CTSS: variants seen among roughly 807,000 people sequenced by gnomAD.
CTSS encodes the protein cathepsin S.
CTSS carries 15 observed loss-of-function variants against 39.9 expected under a neutral mutation model. That is an observed-to-expected ratio of 0.38 (90% confidence interval 0.25 to 0.58). The LOEUF is 0.58. Ranked by LOEUF, CTSS falls within the 20% of genes least tolerant of loss-of-function variation. The probability of loss-of-function intolerance (pLI) is 0.70; values close to 1 mark genes in which losing one functional copy is unlikely to be tolerated. For missense variants in CTSS, 250 were observed against 398.2 expected (o/e 0.63, Z 3.17); for synonymous variants, 126 against 138.2 (o/e 0.91, Z 0.62).
intron 6 of CTSS, among the ~76,000 whole-genome samples, chr1:150,749,524 G>T (rs145017122): frequency 6.6e-6 from 1 of 151,974 alleles, no homozygotes; most frequent in South Asian, 2.1e-4. Flanking sequence ...GCCAGCAGAT[G>T]TTGGTTCATG....
At chr1:150,754,082 C>T (rs1174680801) in intron 4 of CTSS, among the ~76,000 whole-genome samples, 1 of 150,722 alleles carries the variant, frequency 6.6e-6, no homozygotes, top group Non-Finnish European at 1.5e-5. Flanking sequence ...ACTGAGTATT[C>T]GCATATAACC....
chr1:150,763,868 C>T (rs1653311884), intron 2 of CTSS, among the ~76,000 whole-genome samples: 1 of 152,144 alleles, frequency 6.6e-6, no homozygotes, highest in South Asian at 2.1e-4. Context: ...CAAATGTGGC[C>T]CTTCCTCAGG....
rs899830507 is a variant in CTSS, at chr1:150,731,401, A to G, written c.*1645T>C. 4 of 152,188 alleles carry G rather than the reference A, an allele frequency of 2.6e-5. No individual in the cohort carries two copies. Among genetic ancestry groups the G allele is most frequent in the African/African-American group, 9.6e-5 (4 of 41,452 alleles). The allele number at this position is 152,188 out of a possible 1,614,324, so 9.4% of individuals were successfully genotyped here. A position where few individuals can be genotyped will look rare whatever the true frequency, so the allele number is the denominator to read the frequency against. ...AGACTCCGTCTCAAAAAACAAAACA[A>G]AACTGAAAAGTAATCAACTAAATAC... On this transcript the variant is annotated 3_prime_UTR_variant, in exon 8 of 8. Coordinates refer to ENST00000368985, the MANE Select transcript of CTSS (RefSeq NM_004079.5).
At chr1:150,764,589 A>G in intron 2 of CTSS, 49 bp downstream of exon 2, 1 of 1,609,882 alleles carries the variant, frequency 6.2e-7, no homozygotes, top group Non-Finnish European at 8.5e-7. Flanking sequence ...AAGAGGTAGA[A>G]AACAGTACTC....
In CTSS at chr1:150,732,885, A is replaced by G. The variant is rs752499667; in HGVS notation, c.*161T>C. ...TTGGCCTCCCAAGTACTGGGATTAC[A>G]GGCGTGAGCCACCGTGCCCGGCCTC... On this transcript the variant is annotated 3_prime_UTR_variant, in exon 8 of 8. Coordinates refer to ENST00000368985, the MANE Select transcript of CTSS (RefSeq NM_004079.5). 7.8e-6 allele frequency: 4 copies of G among 512,720 alleles called. No individual in the cohort carries two copies. Among genetic ancestry groups the G allele is most frequent in the Non-Finnish European group, 1.4e-5 (4 of 294,348 alleles). 31.8% of individuals were successfully genotyped at this position (512,720 alleles called of 1,614,324 possible). A position where few individuals can be genotyped will look rare whatever the true frequency, so the allele number is the denominator to read the frequency against.
rs1054021205 is a variant in CTSS at position 150,730,227 on chromosome 1, A to G, written c.*2819T>C. On this transcript the variant is annotated 3_prime_UTR_variant, in exon 8 of 8. Transcript: ENST00000368985. ...TGCACATTTATTTAATATAAGTTTT[A>G]CACGACACGAGGGGCTCCATAAGGA... 2.0e-5 allele frequency: 3 copies of G among 152,290 alleles called. No individual in the cohort carries two copies. Among genetic ancestry groups the G allele is most frequent in the Non-Finnish European group, 4.4e-5 (3 of 68,024 alleles). The allele number at this position is 152,290 out of a possible 1,614,324, so 9.4% of individuals were successfully genotyped here. A position where few individuals can be genotyped will look rare whatever the true frequency, so the allele number is the denominator to read the frequency against.
intron 7 of CTSS, among the ~76,000 whole-genome samples, chr1:150,740,965 A>G (rs1252362076): frequency 6.6e-6 from 1 of 151,832 alleles, no homozygotes; most frequent in East Asian, 1.9e-4. Context: ...TGGGATTACA[A>G]GCATGAGCCA....
At position 150,747,769 on chromosome 1, in the gene CTSS, T is replaced by G. The variant is rs1652918582; in HGVS notation, c.896+8A>C. 1 of 1,568,164 alleles carries G rather than the reference T, an allele frequency of 6.4e-7. No homozygotes were observed. Among genetic ancestry groups the G allele is most frequent in the Non-Finnish European group, 8.8e-7 (1 of 1,139,394 alleles). Reference sequence around the variant, plus strand: ...ATTCCAATTAAATATAAAGTGTAAATATATTACCTGTTTTTCACAAGCCAG... The same window carrying G: ...ATTCCAATTAAATATAAAGTGTAAAGATATTACCTGTTTTTCACAAGCCAG... On this transcript the variant is annotated splice_region_variant and intron_variant, in intron 7 of 7. Transcript: ENST00000368985.
intron 2 of CTSS, among the ~76,000 whole-genome samples, chr1:150,762,756 C>T (rs587740568): frequency 2.0e-5 from 3 of 152,150 alleles, no homozygotes; most frequent in Non-Finnish European, 4.4e-5. Context: ...TGGCTATTAT[C>T]AAAACGATGA....
chr1:150,743,432 A>C (rs1652809654), intron 7 of CTSS, among the ~76,000 whole-genome samples: 1 of 149,710 alleles, frequency 6.7e-6, no homozygotes, highest in South Asian at 2.1e-4. Flanking sequence ...TCGTTTAAAA[A>C]TACATCTAGG....
At chr1:150,749,585 C>T (rs1345215154) in intron 6 of CTSS, among the ~76,000 whole-genome samples, 1 of 145,304 alleles carries the variant, frequency 6.9e-6, no homozygotes, top group Non-Finnish European at 1.5e-5. Context: ...CCGCCCCGCC[C>T]CGCCCCGCCC....
chr1:150,754,036 C>T (rs1557812979), intron 4 of CTSS, among the ~76,000 whole-genome samples: 1 of 151,926 alleles, frequency 6.6e-6, no homozygotes, highest in Admixed American at 6.6e-5. Context: ...TCTGAGCATA[C>T]CAAAGTCAAG....
At position 150,732,853 on chromosome 1, in the gene CTSS, G is replaced by C. The variant is rs1391143804; in HGVS notation, c.*193C>G. 3 of 394,834 alleles carry C rather than the reference G, an allele frequency of 7.6e-6. No individual in the cohort carries two copies. The highest frequency in any genetic ancestry group is 4.6e-6 in the Non-Finnish European group (1 of 219,142). The allele number at this position is 394,834 out of a possible 1,614,324, so 24.5% of individuals were successfully genotyped here. On this transcript the variant is annotated 3_prime_UTR_variant, in exon 8 of 8. Transcript: ENST00000368985. ...TTAACTCCTGGCCTCAAGTTGATAT[G>C]CCTGCCTTGGCCTCCCAAGTACTGG...
intron 6 of CTSS, 43 bp from the exon 7 acceptor site, chr1:150,747,922 G>T: frequency 2.5e-6 from 3 of 1,219,274 alleles, no homozygotes; most frequent in Non-Finnish European, 2.4e-6. Context: ...GAATACTATA[G>T]GATAATAAAG....
At chr1:150,750,689 T>C (rs759034070) in intron 5 of CTSS, among the ~76,000 whole-genome samples, 1 of 152,154 alleles carries the variant, frequency 6.6e-6, no homozygotes, top group Non-Finnish European at 1.5e-5. Flanking sequence ...CAGGCTGGAG[T>C]GCAGTAGCAT....
At chr1:150,742,772 G>T (rs1420160534) in intron 7 of CTSS, among the ~76,000 whole-genome samples, 2 of 152,116 alleles carry the variant, frequency 1.3e-5, no homozygotes, top group Non-Finnish European at 2.9e-5. Context: ...AGGCCAAGAT[G>T]ATGCTTAGGC....
intron 5 of CTSS, among the ~76,000 whole-genome samples, chr1:150,751,372 C>T (rs189742530): frequency 2.0e-5 from 3 of 152,040 alleles, no homozygotes; most frequent in East Asian, 3.9e-4. Context: ...TTCAGCCTCC[C>T]GAGTAGCTGG....
intron 3 of CTSS, among the ~76,000 whole-genome samples, chr1:150,756,696 TTTTC>T (rs1197186923): frequency 6.7e-5 from 10 of 149,362 alleles, no homozygotes; most frequent in Non-Finnish European, 8.9e-5. Flanking sequence ...TCCTTCTTTC[TTTTC>T]TTTCTTTCTT....
chr1:150,747,981 G>C, intron 6 of CTSS, 102 bp from the exon 7 acceptor site: 1 of 771,172 alleles, frequency 1.3e-6, no homozygotes. Context: ...TGGATACATA[G>C]CAAGGTTAAT....
Sources: gnomAD v4.1 joint callset for allele counts (sites outside exome capture counted in the v4.1 genomes callset) on GRCh38, gnomAD v4.1.1 for gene constraint, MANE v1.5 for transcripts, NCBI Gene and HGNC (gene_info 2026-07-23, HGNC 2026-07-21) for gene names.